The following C12orf42 variants were observed in gnomAD, a reference collection of about 807,000 sequenced individuals.
C12orf42 encodes the protein chromosome 12 open reading frame 42.
C12orf42 carries 25 observed loss-of-function variants against 21.6 expected under a neutral mutation model. That is an observed-to-expected ratio of 1.16 (90% CI 0.84 to 1.62). The LOEUF is 1.62. Among genes scored for constraint, C12orf42 ranks in the 40% most tolerant of loss-of-function variants. The pLI, the probability that C12orf42 is intolerant of heterozygous loss-of-function variation, is 0.00. For synonymous variants in C12orf42, 174 were observed against 175.0 expected (o/e 0.99, Z 0.05); for missense variants, 483 against 459.3 (o/e 1.05, Z -0.47).
chr12:103,057,033 T>C, the C12orf42 span, among the ~76,000 whole-genome samples: 4 of 152,216 alleles, frequency 2.6e-5, no homozygotes, highest in Non-Finnish European at 5.9e-5. Flanking sequence ...TTTGAGGTCC[T>C]CATGGTTGGT....
At chr12:103,286,056 T>G (rs1425135175) in intron 4 of C12orf42, among the ~76,000 whole-genome samples, 1 of 151,972 alleles carries the variant, frequency 6.6e-6, no homozygotes, top group Non-Finnish European at 1.5e-5. Flanking sequence ...GGACCATTCT[T>G]GCTAACACGG....
the C12orf42 span, among the ~76,000 whole-genome samples, chr12:103,089,696 T>C: frequency 6.6e-6 from 1 of 151,996 alleles, no homozygotes; most frequent in Admixed American, 6.6e-5. Flanking sequence ...AAATTAATTC[T>C]GAAACATCAT....
At chr12:103,415,301 G>T (rs969720978) in intron 2 of C12orf42, among the ~76,000 whole-genome samples, 1 of 152,114 alleles carries the variant, frequency 6.6e-6, no homozygotes, top group Non-Finnish European at 1.5e-5. Context: ...CCTAAGAAAT[G>T]ACTTAGAAAA....
the C12orf42 span, among the ~76,000 whole-genome samples, chr12:103,065,434 C>T: frequency 6.6e-6 from 1 of 152,218 alleles, no homozygotes; most frequent in Non-Finnish European, 1.5e-5. Context: ...GCTGGCAAGA[C>T]CAGCAATATA....
At chr12:103,085,126 T>C in the C12orf42 span, among the ~76,000 whole-genome samples, 1 of 152,120 alleles carries the variant, frequency 6.6e-6, no homozygotes, top group Non-Finnish European at 1.5e-5. Context: ...AAGGAAATTA[T>C]AATGAAAAAG....
At chr12:103,266,837 G>GCA (rs1344801397), downstream of C12orf42, among the ~76,000 whole-genome samples, 1 of 152,068 alleles carries the variant, frequency 6.6e-6, no homozygotes, top group Non-Finnish European at 1.5e-5. Context: ...CTATCAAACA[G>GCA]CACACCAGGT....
chr12:103,286,253 A>T (rs1593287376), intron 4 of C12orf42, among the ~76,000 whole-genome samples: 2 of 145,950 alleles, frequency 1.4e-5, no homozygotes, highest in Non-Finnish European at 1.5e-5. Flanking sequence ...TCCATCTCAA[A>T]AAATAAATAA....
At chr12:103,187,263 T>C in the C12orf42 span, among the ~76,000 whole-genome samples, 42,434 of 152,140 alleles carry the variant, frequency 0.28, 6,986 homozygotes, top group Non-Finnish European at 0.37. Flanking sequence ...TTAACTCATT[T>C]AATCCTCATA....
At chr12:103,295,834 T>TA (rs1284165229) in intron 4 of C12orf42, among the ~76,000 whole-genome samples, 12 of 151,924 alleles carry the variant, frequency 7.9e-5, no homozygotes, top group South Asian at 2.1e-4. Context: ...TCCTTTGCAG[T>TA]AAAAAAAACA....
chr12:103,361,790 G>A (rs2044137976), intron 4 of C12orf42, among the ~76,000 whole-genome samples: 1 of 151,954 alleles, frequency 6.6e-6, no homozygotes, highest in South Asian at 2.1e-4. Context: ...TAATCTTCCT[G>A]GGAATATAAC....
chr12:103,416,231 T>TAA (rs5800588), intron 2 of C12orf42, among the ~76,000 whole-genome samples: 16 of 148,854 alleles, frequency 1.1e-4, no homozygotes, highest in Admixed American at 4.7e-4. Context: ...TAATGTAGGT[T>TAA]AAAAAAAAAG....
chr12:103,160,308 C>A, the C12orf42 span, among the ~76,000 whole-genome samples: 86 of 152,316 alleles, frequency 5.6e-4, no homozygotes, highest in African/African-American at 1.9e-3. Flanking sequence ...CTACCAAGTG[C>A]TATTCCATTC....
the C12orf42 span, among the ~76,000 whole-genome samples, chr12:103,507,178 TTATATATAATATATATATATTTATATTA>T: frequency 4.1e-5 from 1 of 24,302 alleles, no homozygotes; most frequent in African/African-American, 4.4e-4. Flanking sequence ...TATATTTATA[TTATATATAATATATATATATTTATATTA>T]TATATATAAT....
chr12:103,420,179 T>C (rs149650264), intron 2 of C12orf42, among the ~76,000 whole-genome samples: 182 of 152,326 alleles, frequency 1.2e-3, no homozygotes, highest in African/African-American at 3.8e-3. Context: ...CATTATATTA[T>C]AGATATTTTC....
At chr12:103,132,166 A>G in the C12orf42 span, among the ~76,000 whole-genome samples, 1 of 152,184 alleles carries the variant, frequency 6.6e-6, no homozygotes, top group Non-Finnish European at 1.5e-5. Flanking sequence ...GGCATCTGGT[A>G]GGCACCTGCC....
chr12:103,208,684 C>A, the C12orf42 span, among the ~76,000 whole-genome samples: 4 of 152,074 alleles, frequency 2.6e-5, no homozygotes. Context: ...CATTCTTCAC[C>A]CATATTTTTG....
chr12:103,477,801 T>A (rs2374069), intron 2 of C12orf42: 34,129 of 152,480 alleles, frequency 0.22, 4,533 homozygotes, highest in African/African-American at 0.36. Flanking sequence ...TGAGCCCTGT[T>A]TCAGACTTCT....
intron 2 of C12orf42, among the ~76,000 whole-genome samples, chr12:103,444,035 G>T (rs1951426410): frequency 6.6e-6 from 1 of 151,572 alleles, no homozygotes; most frequent in Admixed American, 6.6e-5. Context: ...CTTTTCTTTG[G>T]TTATATATGC....
At chr12:103,275,592 T>C (rs1593260885) in intron 5 of C12orf42, among the ~76,000 whole-genome samples, 1 of 152,208 alleles carries the variant, frequency 6.6e-6, no homozygotes, top group Admixed American at 6.5e-5. Flanking sequence ...TATGAGGCTA[T>C]AATTTTGTAA....
Sources: gnomAD v4.1 joint callset for allele counts (sites outside exome capture counted in the v4.1 genomes callset) on GRCh38, gnomAD v4.1.1 for gene constraint, MANE v1.5 for transcripts, NCBI Gene and HGNC (gene_info 2026-07-23, HGNC 2026-07-21) for gene names.